Variants in HCN1 observed in about 807,000 individuals in gnomAD.
HCN1 encodes the protein hyperpolarization activated cyclic nucleotide gated potassium channel 1.
A neutral mutation model predicts 78.9 loss-of-function variants in HCN1; 13 were observed. That is an observed-to-expected ratio of 0.16 (90% confidence interval 0.11 to 0.26). The LOEUF (loss-of-function observed/expected upper bound fraction) is 0.26, where lower values mean the gene tolerates loss of function less well. Among genes scored for constraint, HCN1 ranks in the 10% least tolerant of loss-of-function variants. The probability of loss-of-function intolerance (pLI) is 1.00; values close to 1 mark genes in which losing one functional copy is unlikely to be tolerated. For synonymous variants in HCN1, 552 were observed against 455.5 expected (o/e 1.21, Z -2.70); for missense variants, 810 against 1,154.3 (o/e 0.70, Z 4.32).
intron 3 of HCN1, among the ~76,000 whole-genome samples, chr5:45,409,035 G>C (rs911154634): frequency 6.6e-6 from 1 of 152,002 alleles, no homozygotes; most frequent in Non-Finnish European, 1.5e-5. Context: ...CCATATATGA[G>C]AGTAAGGCAT....
At chr5:45,515,601 C>T (rs1003399719) in intron 2 of HCN1, among the ~76,000 whole-genome samples, 6 of 152,050 alleles carry the variant, frequency 3.9e-5, no homozygotes, top group African/African-American at 1.4e-4. Context: ...TAAGTTATAA[C>T]AGGTTGGCTC....
chr5:45,590,072 T>A (rs1400427117), intron 2 of HCN1, among the ~76,000 whole-genome samples: 3 of 152,186 alleles, frequency 2.0e-5, no homozygotes, highest in African/African-American at 7.2e-5. Flanking sequence ...CAAAAATTTA[T>A]TGTACTGGTG....
intron 3 of HCN1, among the ~76,000 whole-genome samples, chr5:45,434,369 T>A (rs1740522419): frequency 6.6e-6 from 1 of 152,144 alleles, no homozygotes; most frequent in Non-Finnish European, 1.5e-5. Flanking sequence ...TTTACACAGC[T>A]CTGAAATGGA....
intron 2 of HCN1, among the ~76,000 whole-genome samples, chr5:45,583,724 T>C (rs907792056): frequency 3.9e-5 from 6 of 152,222 alleles, no homozygotes; most frequent in Admixed American, 2.0e-4. Flanking sequence ...TGGTGTGTTG[T>C]GTCTTTGTTC....
chr5:45,451,746 G>A (rs1242529606), intron 3 of HCN1, among the ~76,000 whole-genome samples: 1 of 151,684 alleles, frequency 6.6e-6, no homozygotes, highest in African/African-American at 2.4e-5. Flanking sequence ...GTCACCTAAA[G>A]GCCAAAAACA....
chr5:45,437,654 C>T (rs907176615), intron 3 of HCN1, among the ~76,000 whole-genome samples: 7 of 152,056 alleles, frequency 4.6e-5, no homozygotes, highest in African/African-American at 1.7e-4. Flanking sequence ...TCACTGGAGT[C>T]AGTGAAGAAG....
At chr5:45,634,920 C>G (rs151073053) in intron 2 of HCN1, among the ~76,000 whole-genome samples, 2 of 152,130 alleles carry the variant, frequency 1.3e-5, no homozygotes, top group East Asian at 3.9e-4. Flanking sequence ...AATGAAGAAC[C>G]ACTTCCCACA....
intron 3 of HCN1, among the ~76,000 whole-genome samples, chr5:45,428,282 G>A (rs1055347616): frequency 2.6e-5 from 4 of 151,812 alleles, no homozygotes; most frequent in South Asian, 2.1e-4. Context: ...AGATGATTTT[G>A]GTCAGTTTCA....
chr5:45,473,317 C>T (rs900472534), intron 2 of HCN1, among the ~76,000 whole-genome samples: 3 of 151,840 alleles, frequency 2.0e-5, no homozygotes, highest in African/African-American at 7.2e-5. Flanking sequence ...GTGATATTGG[C>T]GTATTTCTAG....
At chr5:45,409,026 C>T (rs1739978980) in intron 3 of HCN1, among the ~76,000 whole-genome samples, 1 of 151,752 alleles carries the variant, frequency 6.6e-6, no homozygotes, top group African/African-American at 2.4e-5. Flanking sequence ...ATTCTTTTAC[C>T]ATATATGAGA....
rs188023114 is a variant in HCN1, at chr5:45,313,085, C to T, written c.1378-9246G>A. Among the ~76,000 whole-genome samples the T allele has an allele frequency of 6.6e-4, 100 of 152,264 alleles. 1 individual carries two copies. In the East Asian group the frequency reaches 0.011, roughly 17 times the overall value. On this transcript the variant is annotated intron_variant, in intron 5 of 7. Coordinates refer to ENST00000303230, the MANE Select transcript of HCN1 (RefSeq NM_021072.4). ...ACTGCCTCCTCAAGTGGGTCCTTGA[C>T]CCCCAAGTAGCCCAATTGGGAGGCA...
At chr5:45,365,355 C>T (rs1340557056) in intron 4 of HCN1, among the ~76,000 whole-genome samples, 4 of 151,888 alleles carry the variant, frequency 2.6e-5, no homozygotes, top group Admixed American at 6.6e-5. Context: ...CCATTCTCCA[C>T]CCTTTTGGAG....
Position 45,374,058 on chromosome 5 carries a change from T to C in HCN1, c.1231-20812A>G, listed in dbSNP as rs192752486. Among the ~76,000 whole-genome samples the C allele has an allele frequency of 6.5e-4, 62 of 95,316 alleles. 2 individuals are homozygous for C. Among genetic ancestry groups the C allele is most frequent in the Admixed American group, 5.8e-3 (40 of 6,842 alleles). The allele number at this position is 95,316 out of a possible 152,430, so 62.5% of individuals were successfully genotyped here. The stretch of plus-strand genomic sequence containing the variant: ...TACATAATATATATTATATATATTA[T>C]ATATATAATATATATAATATCTATT... On this transcript the variant is annotated intron_variant, in intron 4 of 7. Transcript: ENST00000303230.
At chr5:45,549,536 T>TA (rs1197811951) in intron 2 of HCN1, among the ~76,000 whole-genome samples, 1 of 152,082 alleles carries the variant, frequency 6.6e-6, no homozygotes, top group Non-Finnish European at 1.5e-5. Context: ...CCTAAAACCA[T>TA]AAAAACCCTA....
chr5:45,651,716 GAT>G (rs1745678928), intron 1 of HCN1, among the ~76,000 whole-genome samples: 1 of 151,906 alleles, frequency 6.6e-6, no homozygotes, highest in African/African-American at 2.4e-5. Flanking sequence ...CACTGGGAAA[GAT>G]ATTTTGTAAA....
intron 2 of HCN1, among the ~76,000 whole-genome samples, chr5:45,522,304 C>T (rs1030051241): frequency 6.6e-6 from 1 of 151,966 alleles, no homozygotes; most frequent in African/African-American, 2.4e-5. Flanking sequence ...TGGTCATTTT[C>T]ATAGGTTATA....
intron 7 of HCN1, among the ~76,000 whole-genome samples, chr5:45,263,505 C>T (rs539527653): frequency 1.3e-5 from 2 of 152,354 alleles, no homozygotes; most frequent in South Asian, 2.1e-4. Flanking sequence ...CCTGACCCCA[C>T]TTGCTGAATC....
intron 2 of HCN1, among the ~76,000 whole-genome samples, chr5:45,545,270 T>A (rs1237350356): frequency 6.6e-6 from 1 of 152,226 alleles, no homozygotes; most frequent in East Asian, 1.9e-4. Flanking sequence ...GTTCATATCC[T>A]TTGCCCACTT....
intron 2 of HCN1, among the ~76,000 whole-genome samples, chr5:45,626,253 A>C (rs754844094): frequency 6.6e-6 from 1 of 152,176 alleles, no homozygotes; most frequent in South Asian, 2.1e-4. Flanking sequence ...ACATCTAATA[A>C]TGCTTCTTTG....
Sources: allele counts gnomAD v4.1 joint callset (sites outside exome capture counted in the v4.1 genomes callset), GRCh38; gene constraint gnomAD v4.1.1; transcripts MANE v1.5; gene names NCBI Gene and HGNC (gene_info 2026-07-23, HGNC 2026-07-21).